The following SOX5 variants were observed in gnomAD, a reference collection of about 807,000 sequenced individuals.
The protein encoded by SOX5 is transcription factor SOX-5.
Under a neutral mutation model 92.0 loss-of-function variants are expected in SOX5, and 9 were observed. The ratio of observed to expected loss-of-function variants is 0.10; its 90% CI spans 0.06 to 0.17. The LOEUF (loss-of-function observed/expected upper bound fraction) is 0.17, where lower values mean the gene tolerates loss of function less well. SOX5 is among the 10% of genes least tolerant of loss of function. The probability of loss-of-function intolerance (pLI) is 1.00; values close to 1 mark genes in which losing one functional copy is unlikely to be tolerated. For missense variants in SOX5, 642 were observed against 944.5 expected, an observed-to-expected ratio of 0.68 and a Z score of 4.20; for synonymous variants, 344 against 336.3, an observed-to-expected ratio of 1.02 and a Z score of -0.25.
At chr12:23,955,381 T>A (rs140217050), upstream of SOX5, among the ~76,000 whole-genome samples, 612 of 152,282 alleles carry the variant, frequency 4.0e-3, 5 homozygotes, top group South Asian at 0.01. Flanking sequence ...CCAGAACTAG[T>A]ACTACTCTTC....
At chr12:24,414,308 G>T (rs935111385) in intron 1 of SOX5, among the ~76,000 whole-genome samples, 1 of 152,028 alleles carries the variant, frequency 6.6e-6, no homozygotes, top group African/African-American at 2.4e-5. Context: ...TGTCTAAATT[G>T]CCTCTACTTA....
chr12:23,916,133 G>A (rs2097413734), intron 1 of SOX5, among the ~76,000 whole-genome samples: 1 of 152,182 alleles, frequency 6.6e-6, no homozygotes, highest in Admixed American at 6.5e-5. Flanking sequence ...TTCAATCTAT[G>A]TAGCTATTTA....
At chr12:24,532,053 C>T (rs1280219876) in intron 1 of SOX5, among the ~76,000 whole-genome samples, 1 of 152,136 alleles carries the variant, frequency 6.6e-6, no homozygotes, top group African/African-American at 2.4e-5. Context: ...AAGCAAATAT[C>T]AAATGAAAGT....
chr12:24,525,122 A>G (rs1338668516), intron 1 of SOX5, among the ~76,000 whole-genome samples: 1 of 152,236 alleles, frequency 6.6e-6, no homozygotes, highest in Non-Finnish European at 1.5e-5. Flanking sequence ...ACTATTCACA[A>G]TAGCCAATAT....
intron 2 of SOX5, among the ~76,000 whole-genome samples, chr12:24,299,689 A>G (rs1947731051): frequency 6.6e-6 from 1 of 152,212 alleles, no homozygotes; most frequent in Admixed American, 6.5e-5. Context: ...ATGAACGTGA[A>G]TTCATTTAAT....
chr12:24,092,310 A>AT (rs11285782), intron 4 of SOX5, among the ~76,000 whole-genome samples: 89 of 150,326 alleles, frequency 5.9e-4, no homozygotes, highest in South Asian at 3.6e-3. Flanking sequence ...ATGCTGCGGA[A>AT]TTTTTTTTTT....
At chr12:23,635,963 G>C (rs575042740) in intron 8 of SOX5, among the ~76,000 whole-genome samples, 3 of 152,236 alleles carry the variant, frequency 2.0e-5, no homozygotes, top group Admixed American at 6.5e-5. Flanking sequence ...TTGAGAAATA[G>C]ATGAAATGGA....
rs144092994 is a variant in SOX5, at chr12:24,516,399, G to T, written c.-251+45930C>A. 2.4e-3 allele frequency among the ~76,000 whole-genome samples: 366 copies of T among 152,026 alleles called. 2 individuals carry two copies. The highest frequency in any genetic ancestry group is 8.3e-3 in the African/African-American group (346 of 41,484). On this transcript the variant is annotated intron_variant, in intron 1 of 4. Coordinates refer to the SOX5 transcript ENST00000446891. ...CCCTGTGTTATCACAGTAGATTTTT[G>T]AGGGCAACAACTTCATTATATTTTA... is the stretch of plus-strand genomic sequence containing the variant.
chr12:23,710,450 CTTG>C (rs965119963), intron 6 of SOX5, among the ~76,000 whole-genome samples: 3 of 152,088 alleles, frequency 2.0e-5, no homozygotes, highest in Admixed American at 6.6e-5. Flanking sequence ...TCCAAGTATT[CTTG>C]TTGTTCACTT....
chr12:23,767,687 G>A (rs1468547033), intron 3 of SOX5, among the ~76,000 whole-genome samples: 1 of 152,020 alleles, frequency 6.6e-6, no homozygotes, highest in African/African-American at 2.4e-5. Flanking sequence ...CTCATATCTA[G>A]TAACTGAGAG....
chr12:23,968,608 C>T lies in SOX5; in HGVS notation c.-1-72584G>A, dbSNP rs538328124. ...AGAAGGCCCTCGCCAGATGCTGGCC[C>T]CTCAATCTTGGCCTTCTCAGCCTTC... On this transcript the variant is annotated intron_variant, in intron 4 of 4. Transcript: ENST00000446891. Among the ~76,000 whole-genome samples, 4 of 152,298 alleles carry T rather than the reference C, an allele frequency of 2.6e-5. No individual in the cohort carries two copies. In the East Asian group the frequency reaches 5.8e-4, roughly 22 times the overall value.
chr12:23,613,423 T>A (rs1246176580), intron 8 of SOX5, among the ~76,000 whole-genome samples: 1 of 151,872 alleles, frequency 6.6e-6, no homozygotes, highest in Non-Finnish European at 1.5e-5. Context: ...GACTGTGCAA[T>A]GCTCCTGTCA....
intron 3 of SOX5, among the ~76,000 whole-genome samples, chr12:23,795,003 C>T (rs2095537960): frequency 6.6e-6 from 1 of 151,974 alleles, no homozygotes; most frequent in African/African-American, 2.4e-5. Context: ...AAGAAATTCT[C>T]CACAGTAAAC....
chr12:23,896,073 T>G (rs1169673349), intron 1 of SOX5, 49 bp from the exon 2 acceptor site: 1 of 1,291,502 alleles, frequency 7.7e-7, no homozygotes, highest in Non-Finnish European at 1.1e-6. Flanking sequence ...ACATAAATCC[T>G]TAATGCCGTC....
chr12:24,452,190 G>A (rs1422074546), intron 1 of SOX5, among the ~76,000 whole-genome samples: 5 of 152,158 alleles, frequency 3.3e-5, no homozygotes, highest in South Asian at 2.1e-4. Context: ...AATGTTTATC[G>A]AGTTGCTTGA....
intron 4 of SOX5, among the ~76,000 whole-genome samples, chr12:24,017,346 C>A (rs1409942787): frequency 6.6e-6 from 1 of 152,144 alleles, no homozygotes; most frequent in African/African-American, 2.4e-5. Flanking sequence ...TGCCTGTAAT[C>A]TCAGCACTTT....
At chr12:24,232,385 G>A (rs1163173548) in intron 3 of SOX5, among the ~76,000 whole-genome samples, 2 of 152,200 alleles carry the variant, frequency 1.3e-5, no homozygotes, top group East Asian at 3.8e-4. Flanking sequence ...AACAATGACA[G>A]AGCCACACTT....
At chr12:23,741,084 A>G (rs561608662) in intron 4 of SOX5, 45 bp from the exon 5 acceptor site, 65 of 1,455,438 alleles carry the variant, frequency 4.5e-5, no homozygotes, top group Non-Finnish European at 5.8e-5. Flanking sequence ...AATGAAAAAA[A>G]GTAATTATTT....
intron 4 of SOX5, among the ~76,000 whole-genome samples, chr12:24,186,507 G>T (rs1051100309): frequency 6.6e-6 from 1 of 152,048 alleles, no homozygotes; most frequent in Non-Finnish European, 1.5e-5. Flanking sequence ...TAAGATGAGG[G>T]CTTTATAATA....
Sources: allele counts gnomAD v4.1 joint callset (sites outside exome capture counted in the v4.1 genomes callset), GRCh38; gene constraint gnomAD v4.1.1; transcripts MANE v1.5; gene names NCBI Gene and HGNC (gene_info 2026-07-23, HGNC 2026-07-21).